The following SETX variants were observed in gnomAD, a reference collection of about 807,000 sequenced individuals.
SETX encodes the protein senataxin.
Under a neutral mutation model 227.2 loss-of-function variants are expected in SETX, and 90 were observed. The observed-to-expected ratio is 0.40, with a 90% CI of 0.33 to 0.47. The LOEUF (loss-of-function observed/expected upper bound fraction) is 0.47. Ranked by LOEUF, SETX falls within the 20% of genes least tolerant of loss-of-function variation. The pLI is 0.91. For synonymous variants in SETX, 1,210 were observed against 1,113.2 expected (o/e 1.09, Z -1.73); for missense variants, 3,052 against 3,181.5 (o/e 0.96, Z 0.98).
intron 11 of SETX, among the ~76,000 whole-genome samples, chr9:132,306,274 G>A (rs1221068482): frequency 1.3e-5 from 2 of 152,090 alleles, no homozygotes; most frequent in East Asian, 1.9e-4. Context: ...GTGCAATGGC[G>A]CAATCTCGGT....
chr9:132,279,698 C>T (rs558173265), intron 20 of SETX, among the ~76,000 whole-genome samples: 2 of 152,286 alleles, frequency 1.3e-5, no homozygotes, highest in South Asian at 2.1e-4. Flanking sequence ...AGTTTATCTG[C>T]GTTAGCTCAC....
chr9:132,264,108 G>A lies in SETX; in HGVS notation c.*131C>T. 1.5e-6 allele frequency: 2 copies of A among 1,291,328 alleles called. No individual in the cohort carries two copies. The highest frequency in any genetic ancestry group is 2.2e-6 in the Non-Finnish European group (2 of 905,926). The allele number at this position is 1,291,328 out of a possible 1,614,324, so 80.0% of individuals were successfully genotyped here. A position where few individuals can be genotyped will look rare whatever the true frequency, so the allele number is the denominator to read the frequency against. ...GATGACCAGAGGCTCAGGTGTTAAG[G>A]ATGCATTTTCCATGTTTTCCAACAG... On this transcript the variant is annotated 3_prime_UTR_variant, in exon 26 of 26. Coordinates refer to ENST00000224140, the MANE Select transcript of SETX (RefSeq NM_015046.7).
intron 11 of SETX, among the ~76,000 whole-genome samples, chr9:132,311,481 C>A (rs773709238): frequency 6.6e-6 from 1 of 152,068 alleles, no homozygotes; most frequent in African/African-American, 2.4e-5. Context: ...AACACCCCCA[C>A]CAAATCCCTC....
rs1295699769 is a variant in SETX, at chr9:132,336,585, G to C, written c.499-70C>G. 7 of 1,090,388 alleles carry C rather than the reference G, an allele frequency of 6.4e-6. No homozygotes were observed. The South Asian group carries it at 7.6e-5, about 12-fold the overall frequency. 67.5% of individuals were successfully genotyped at this position (1,090,388 alleles called of 1,614,324 possible). On this transcript the variant is annotated intron_variant, in intron 5 of 25. Coordinates refer to ENST00000224140, the MANE Select transcript of SETX (RefSeq NM_015046.7). The stretch of plus-strand genomic sequence containing the variant: ...CTACAAACAGCAAGAACACAGAAAA[G>C]AAAACAGGATTCTCTGCATATTTTA...
intron 4 of SETX, among the ~76,000 whole-genome samples, chr9:132,343,048 G>GC (rs1554824575): frequency 6.6e-6 from 1 of 151,904 alleles, no homozygotes; most frequent in South Asian, 2.1e-4. Context: ...TGCCGGGCGC[G>GC]GTGGCTCACA....
At chr9:132,292,786 C>T (rs7048720) in intron 15 of SETX, among the ~76,000 whole-genome samples, 11,873 of 152,044 alleles carry the variant, frequency 0.078, 664 homozygotes, top group East Asian at 0.17. Context: ...TACAGGCACC[C>T]GCCACCACAC....
chr9:132,311,720 A>G (rs768337630), intron 11 of SETX, 37 bp downstream of exon 11: 7 of 1,361,338 alleles, frequency 5.1e-6, no homozygotes, highest in East Asian at 2.3e-5. Flanking sequence ...TCCAATTATT[A>G]TATCATATAT....
Position 132,263,853 on chromosome 9 carries a change from T to G in SETX, c.*386A>C, listed in dbSNP as rs754903346. ...AAAGTTTGTTCTGTTGAAAACTGATTAACATTTTAAACAGGGGGAAAGAAA... is the reference window on the plus strand; with the variant it reads ...AAAGTTTGTTCTGTTGAAAACTGATGAACATTTTAAACAGGGGGAAAGAAA... On this transcript the variant is annotated 3_prime_UTR_variant, in exon 26 of 26. Transcript: ENST00000224140. The G allele has an allele frequency of 2.3e-5, 5 of 215,240 alleles. No homozygotes were observed. The East Asian group carries it at 6.1e-4, about 26-fold the overall frequency. The allele number at this position is 215,240 out of a possible 1,614,324, so 13.3% of individuals were successfully genotyped here.
At chr9:132,352,029 G>A (rs1157446560) in intron 2 of SETX, among the ~76,000 whole-genome samples, 2 of 152,202 alleles carry the variant, frequency 1.3e-5, no homozygotes, top group African/African-American at 4.8e-5. Flanking sequence ...TAACTAGCCA[G>A]AAACTTCAAA....
At chr9:132,356,545 A>G (rs1383289756), upstream of SETX, among the ~76,000 whole-genome samples, 1 of 152,152 alleles carries the variant, frequency 6.6e-6, no homozygotes, top group East Asian at 1.9e-4. Flanking sequence ...ACGATGATGC[A>G]GCGTCACCGT....
chr9:132,276,415 C>T (rs1221711587), intron 22 of SETX, among the ~76,000 whole-genome samples: 1 of 152,184 alleles, frequency 6.6e-6, no homozygotes, highest in East Asian at 1.9e-4. Context: ...GCCTGATTCT[C>T]GCCTGAGGAC....
chr9:132,300,712 C>T lies in SETX; in HGVS notation c.5466G>A (p.Lys1822=). The T allele has an allele frequency of 6.2e-7, 1 of 1,613,720 alleles. No homozygotes were observed. Among genetic ancestry groups the T allele is most frequent in the Non-Finnish European group, 8.5e-7 (1 of 1,179,874 alleles). Residue 1822 remains lysine (K), a synonymous_variant, in exon 12 of 26, where the codon AAG becomes AAA. Transcript: ENST00000224140. ...GTATGTCATTTCTCTCTGTATCTTTCTTCTCTTCATTTATTCTCTCAGGAG... is the reference window on the plus strand; with the variant it reads ...GTATGTCATTTCTCTCTGTATCTTTTTTCTCTTCATTTATTCTCTCAGGAG... ...FLAPERINEE[K]KDTERNDIQD...
At chr9:132,321,110 C>A (rs535894684) in intron 10 of SETX, among the ~76,000 whole-genome samples, 1 of 152,362 alleles carries the variant, frequency 6.6e-6, no homozygotes, top group Admixed American at 6.5e-5. Flanking sequence ...CTCCGTCCCC[C>A]ACTCCTACCC....
In SETX at chr9:132,277,142, C is replaced by T; in HGVS notation, c.6853G>A (p.Ala2285Thr). The change falls in exon 22 of 26, where the codon GCC becomes ACC. Residue 2285 changes from alanine to threonine, a missense_variant. Physicochemically the swap from Ala to Thr is moderately conservative, Grantham distance 58. Transcript: ENST00000224140. ...RNLKTNRQTE[A>T]IRCSSDWPFQ... ...GGCCAATCTGATGAACATCGAATGG[C>T]TTCTGTCTGTCTGTAAAAAAAAAAA... The T allele has an allele frequency of 6.2e-7, 1 of 1,608,918 alleles. No individual in the cohort carries two copies. The highest frequency in any genetic ancestry group is 2.2e-5 in the East Asian group (1 of 44,522).
At chr9:132,355,820 C>T (rs11243740), upstream of SETX, among the ~76,000 whole-genome samples, 1 of 152,064 alleles carries the variant, frequency 6.6e-6, no homozygotes, top group African/African-American at 2.4e-5. Context: ...AACTCCGTCT[C>T]TACTAAAAAT....
chr9:132,344,740 T>C (rs1848192466), intron 4 of SETX, among the ~76,000 whole-genome samples: 1 of 151,786 alleles, frequency 6.6e-6, no homozygotes, highest in Admixed American at 6.6e-5. Flanking sequence ...CCAGGTGTAG[T>C]GGCAGGCGCC....
At chr9:132,345,801 G>A (rs938976438) in intron 4 of SETX, among the ~76,000 whole-genome samples, 5 of 152,132 alleles carry the variant, frequency 3.3e-5, no homozygotes, top group Admixed American at 6.5e-5. Context: ...AGGACTGCTT[G>A]AGCCCAGGAG....
intron 14 of SETX, 92 bp downstream of exon 14, chr9:132,296,795 G>A (rs1177981603): frequency 5.3e-6 from 6 of 1,128,078 alleles, no homozygotes; most frequent in Non-Finnish European, 8.0e-6. Context: ...AAGAGGAAAT[G>A]GCATGTTAAT....
chr9:132,331,152 GAATA>G lies in SETX; in HGVS notation c.1011-17_1011-14del. The G allele has an allele frequency of 6.2e-7, 1 of 1,610,692 alleles. No individual in the cohort carries two copies. Among genetic ancestry groups the G allele is most frequent in the Non-Finnish European group, 8.5e-7 (1 of 1,177,310 alleles). ...TTCTAACTTGGTCCTTAAATATTAA[GAATA>G]AATAGAAATTACTGAAACGAAGGGG... On this transcript the variant is annotated splice_polypyrimidine_tract_variant and intron_variant, in intron 8 of 25. Transcript: ENST00000224140.
Sources: allele counts gnomAD v4.1 joint callset (sites outside exome capture counted in the v4.1 genomes callset), GRCh38; gene constraint gnomAD v4.1.1; transcripts MANE v1.5; gene names NCBI Gene and HGNC (gene_info 2026-07-23, HGNC 2026-07-21).